Variants in CYRIA observed in about 807,000 individuals in gnomAD.
CYRIA encodes CYFIP related Rac1 interactor A, also known as CYFIP-related Rac1 interactor A.
In CYRIA, 15 loss-of-function variants were observed where a neutral mutation model predicts 43.9. The ratio of observed to expected loss-of-function variants is 0.34; its 90% CI spans 0.23 to 0.53. The LOEUF is 0.53. CYRIA is among the 20% of genes least tolerant of loss of function. The pLI is 0.94. For missense variants in CYRIA, 236 were observed against 394.2 expected, an observed-to-expected ratio of 0.60 and a Z score of 3.40; for synonymous variants, 117 against 136.0, an observed-to-expected ratio of 0.86 and a Z score of 0.97.
chr2:16,553,127 T>C lies in CYRIA; in HGVS notation c.909-128A>G. ...CTTTAGACAAAAATCCACACTTCAA[T>C]GCTCACAGTCATCTCAGATTTAATA... On this transcript the variant is annotated intron_variant, in intron 11 of 11. Coordinates refer to ENST00000381323, the MANE Select transcript of CYRIA (RefSeq NM_030797.4). 4.4e-6 allele frequency: 3 copies of C among 683,266 alleles called. No individual in the cohort carries two copies. The South Asian group carries it at 5.0e-5, about 11-fold the overall frequency. The allele number at this position is 683,266 out of a possible 1,614,324, so 42.3% of individuals were successfully genotyped here. A position where few individuals can be genotyped will look rare whatever the true frequency, so the allele number is the denominator to read the frequency against.
At chr2:16,587,203 T>G (rs1037184791) in intron 3 of CYRIA, among the ~76,000 whole-genome samples, 2 of 152,176 alleles carry the variant, frequency 1.3e-5, no homozygotes, top group Admixed American at 6.6e-5. Context: ...GTAAGCCTTA[T>G]TTCTGGTATT....
intron 2 of CYRIA, among the ~76,000 whole-genome samples, chr2:16,604,111 GT>G (rs1668296701): frequency 6.6e-6 from 1 of 152,170 alleles, no homozygotes; most frequent in Admixed American, 6.5e-5. Context: ...ACCTCGCTTT[GT>G]TTTATCGTTA....
At chr2:16,626,494 C>T (rs1669171037) in intron 1 of CYRIA, among the ~76,000 whole-genome samples, 1 of 152,180 alleles carries the variant, frequency 6.6e-6, no homozygotes, top group Admixed American at 6.5e-5. Flanking sequence ...CAAAGGCTCG[C>T]CAAGGGCAGG....
At chr2:16,562,982 C>T (rs1558402976) in intron 5 of CYRIA, among the ~76,000 whole-genome samples, 1 of 152,158 alleles carries the variant, frequency 6.6e-6, no homozygotes, top group Non-Finnish European at 1.5e-5. Flanking sequence ...CAGACATCTG[C>T]TCTATGTAGT....
chr2:16,659,628 G>A (rs1252388946), intron 1 of CYRIA, among the ~76,000 whole-genome samples: 1 of 152,150 alleles, frequency 6.6e-6, no homozygotes, highest in Non-Finnish European at 1.5e-5. Context: ...CTCACATGAG[G>A]TGACTGGGAG....
At chr2:16,617,202 T>C (rs1316479567) in intron 2 of CYRIA, among the ~76,000 whole-genome samples, 2 of 152,146 alleles carry the variant, frequency 1.3e-5, no homozygotes, top group African/African-American at 4.8e-5. Flanking sequence ...GTAAGAGAAA[T>C]GAGGCCCTAA....
At chr2:16,609,467 CAT>C (rs1355491931) in intron 2 of CYRIA, among the ~76,000 whole-genome samples, 1 of 152,236 alleles carries the variant, frequency 6.6e-6, no homozygotes, top group Non-Finnish European at 1.5e-5. Context: ...CTGGAGACCA[CAT>C]GTTTCTACCA....
intron 3 of CYRIA, among the ~76,000 whole-genome samples, chr2:16,583,358 CACTA>C (rs1667616868): frequency 6.6e-6 from 1 of 152,174 alleles, no homozygotes; most frequent in African/African-American, 2.4e-5. Context: ...CTGTTGTAAA[CACTA>C]ACTATGTATC....
chr2:16,651,636 A>T (rs1481127549), intron 1 of CYRIA, among the ~76,000 whole-genome samples: 1 of 152,236 alleles, frequency 6.6e-6, no homozygotes, highest in African/African-American at 2.4e-5. Context: ...TTGTCTTCAA[A>T]ATATTCCTGA....
intron 2 of CYRIA, among the ~76,000 whole-genome samples, chr2:16,600,561 CAATTT>C (rs1409588555): frequency 6.6e-6 from 1 of 152,166 alleles, no homozygotes; most frequent in Non-Finnish European, 1.5e-5. Context: ...TTAAATTAAA[CAATTT>C]AATCTATCTA....
At chr2:16,636,388 AT>A (rs1444288005) in intron 1 of CYRIA, among the ~76,000 whole-genome samples, 2 of 152,174 alleles carry the variant, frequency 1.3e-5, no homozygotes, top group African/African-American at 2.4e-5. Flanking sequence ...AATGGGGATA[AT>A]TTCGCCCTTC....
intron 1 of CYRIA, among the ~76,000 whole-genome samples, chr2:16,656,363 C>T (rs1351672455): frequency 6.6e-6 from 1 of 152,160 alleles, no homozygotes; most frequent in Admixed American, 6.5e-5. Flanking sequence ...CCACACACAT[C>T]ATACTTATAC....
At chr2:16,664,932 C>A (rs1670350100) in intron 1 of CYRIA, among the ~76,000 whole-genome samples, 1 of 152,122 alleles carries the variant, frequency 6.6e-6, no homozygotes, top group South Asian at 2.1e-4. Context: ...CCTGGCACCC[C>A]CAAAACAGTG....
At chr2:16,575,846 A>T (rs546324964) in intron 3 of CYRIA, among the ~76,000 whole-genome samples, 4 of 151,324 alleles carry the variant, frequency 2.6e-5, no homozygotes, top group African/African-American at 9.7e-5. Flanking sequence ...ACAGAGCGAG[A>T]CTCCATCTCA....
chr2:16,659,651 C>T (rs1670197015), intron 1 of CYRIA, among the ~76,000 whole-genome samples: 1 of 152,188 alleles, frequency 6.6e-6, no homozygotes. Context: ...AGCCTCATCA[C>T]CGTGGCTGGA....
intron 9 of CYRIA, 52 bp downstream of exon 9, chr2:16,560,938 G>A: frequency 6.8e-7 from 1 of 1,475,728 alleles, no homozygotes; most frequent in Non-Finnish European, 9.5e-7. Context: ...CATCTTAACA[G>A]ACACTGGCTG....
chr2:16,658,425 A>G (rs1424999457), intron 1 of CYRIA, among the ~76,000 whole-genome samples: 1 of 152,258 alleles, frequency 6.6e-6, no homozygotes, highest in Non-Finnish European at 1.5e-5. Context: ...CATATTCCTC[A>G]CAATATTCCT....
intron 1 of CYRIA, among the ~76,000 whole-genome samples, chr2:16,628,388 C>G (rs1669228283): frequency 6.6e-6 from 1 of 152,184 alleles, no homozygotes; most frequent in Non-Finnish European, 1.5e-5. Flanking sequence ...CCTGATCTCA[C>G]CTCAAAGCCG....
In CYRIA at chr2:16,559,590, C is replaced by T. The variant is rs1300691275; in HGVS notation, c.711-4G>A. ...CGTAAACCTACTTCTGTACTCCCTG[C>T]AAGAGAAGAAACAGCAGTGGCGTCA... On this transcript the variant is annotated splice_region_variant and splice_polypyrimidine_tract_variant and intron_variant, in intron 9 of 11. Transcript: ENST00000381323. The T allele has an allele frequency of 6.2e-7, 1 of 1,610,918 alleles. No homozygotes were observed. Among genetic ancestry groups the T allele is most frequent in the Non-Finnish European group, 8.5e-7 (1 of 1,178,280 alleles).
Sources: allele counts gnomAD v4.1 joint callset (sites outside exome capture counted in the v4.1 genomes callset), GRCh38; gene constraint gnomAD v4.1.1; transcripts MANE v1.5; gene names NCBI Gene and HGNC (gene_info 2026-07-23, HGNC 2026-07-21).